The following CNTN4 variants were observed in gnomAD, a reference collection of about 807,000 sequenced individuals.
CNTN4 encodes contactin-4.
A neutral mutation model predicts 122.5 loss-of-function variants in CNTN4; 77 were observed. The observed-to-expected ratio is 0.63, with a 90% CI of 0.52 to 0.76. The LOEUF (loss-of-function observed/expected upper bound fraction) is 0.76. Among genes scored for constraint, CNTN4 ranks in the 30% least tolerant of loss-of-function variants. CNTN4 has a pLI of 0.00. For missense variants in CNTN4, 1,256 were observed against 1,259.1 expected (o/e 1.00, Z 0.04); for synonymous variants, 512 against 447.0 (o/e 1.15, Z -1.83).
At chr3:2,428,656 C>A (rs1161077553) in intron 3 of CNTN4, among the ~76,000 whole-genome samples, 1 of 152,186 alleles carries the variant, frequency 6.6e-6, no homozygotes, top group Non-Finnish European at 1.5e-5. Flanking sequence ...AGATAATATC[C>A]TGCAGAGTGG....
rs573029609 is a variant in CNTN4, at chr3:2,946,794, A to G, written c.1358+21015A>G. Among the ~76,000 whole-genome samples the G allele has an allele frequency of 2.0e-5, 3 of 149,124 alleles. No individual in the cohort carries two copies. The South Asian group carries it at 6.4e-4, about 32-fold the overall frequency. On this transcript the variant is annotated intron_variant, in intron 13 of 24. Transcript: ENST00000418658. ...ACATGGCTCACTGCAATAATCCCAG[A>G]CTTCTGGGTTCAAACAATCCTCCCT... is the stretch of plus-strand genomic sequence containing the variant.
At chr3:2,663,530 G>A (rs568855260) in intron 4 of CNTN4, among the ~76,000 whole-genome samples, 2 of 152,152 alleles carry the variant, frequency 1.3e-5, no homozygotes, top group African/African-American at 2.4e-5. Flanking sequence ...GAAGGAGGTT[G>A]AAACTTGAGG....
chr3:2,629,367 T>A (rs1576280813), intron 4 of CNTN4, among the ~76,000 whole-genome samples: 1 of 152,230 alleles, frequency 6.6e-6, no homozygotes, highest in East Asian at 1.9e-4. Context: ...CTAGCTGGAA[T>A]TGTGTCACGG....
intron 2 of CNTN4, among the ~76,000 whole-genome samples, chr3:2,303,747 G>T (rs939479286): frequency 6.6e-6 from 1 of 152,044 alleles, no homozygotes; most frequent in African/African-American, 2.4e-5. Context: ...CAGCACTACC[G>T]CAGAGGACAG....
chr3:2,258,344 A>T (rs1445444323), intron 2 of CNTN4, among the ~76,000 whole-genome samples: 1 of 152,142 alleles, frequency 6.6e-6, no homozygotes, highest in East Asian at 1.9e-4. Flanking sequence ...GAACCAACCC[A>T]AATGCCCATC....
Position 2,614,536 on chromosome 3 carries a change from A to C in CNTN4, c.55+42978A>C, listed in dbSNP as rs574192022. On this transcript the variant is annotated intron_variant, in intron 4 of 24. Coordinates refer to ENST00000418658, the MANE Select transcript of CNTN4 (RefSeq NM_175607.3). ...TGGGGAAGACCAAACTGGTGTAGTG[A>C]AATGTACAAAAATTGAACAGATTCA... Among the ~76,000 whole-genome samples, 90 of 152,278 alleles carry C rather than the reference A, an allele frequency of 5.9e-4. 1 individual carries two copies. Among genetic ancestry groups the C allele is most frequent in the Non-Finnish European group, 2.2e-4 (15 of 68,022 alleles).
At position 2,598,979 on chromosome 3, in the gene CNTN4, A is replaced by G. The variant is rs565298314; in HGVS notation, c.55+27421A>G. ...AATAATTTCTGATCTAAGGAAAATA[A>G]GCTAACATCTATACAACAGAATACA... On this transcript the variant is annotated intron_variant, in intron 4 of 24. Transcript: ENST00000418658. 2.0e-5 allele frequency among the ~76,000 whole-genome samples: 3 copies of G among 152,344 alleles called. No individual in the cohort carries two copies. The South Asian group carries it at 6.2e-4, about 32-fold the overall frequency.
chr3:2,772,678 G>GGAAGAAGAGATAGGAA (rs2091155688), intron 6 of CNTN4, among the ~76,000 whole-genome samples: 1 of 152,174 alleles, frequency 6.6e-6, no homozygotes, highest in East Asian at 1.9e-4. Context: ...AGAATGTAAA[G>GGAAGAAGAGATAGGAA]TCACCTTATC....
intron 23 of CNTN4, 134 bp downstream of exon 23, chr3:3,043,838 C>T: frequency 2.8e-6 from 2 of 709,820 alleles, no homozygotes; most frequent in Non-Finnish European, 5.2e-6. Flanking sequence ...TCGCTGCCTC[C>T]AACACGGTTT....
intron 16 of CNTN4, among the ~76,000 whole-genome samples, chr3:3,034,347 T>C (rs1699417879): frequency 6.6e-6 from 1 of 152,208 alleles, no homozygotes; most frequent in African/African-American, 2.4e-5. Context: ...CCCAATACTC[T>C]CTATTAACAT....
intron 4 of CNTN4, among the ~76,000 whole-genome samples, chr3:2,574,152 G>A (rs968381628): frequency 6.6e-6 from 1 of 152,164 alleles, no homozygotes; most frequent in African/African-American, 2.4e-5. Flanking sequence ...GGAGGCGGAG[G>A]TTGCGGTGAG....
intron 13 of CNTN4, among the ~76,000 whole-genome samples, chr3:2,972,898 T>C (rs1490370793): frequency 1.3e-5 from 2 of 152,076 alleles, no homozygotes; most frequent in Non-Finnish European, 2.9e-5. Flanking sequence ...ACATTTTTAA[T>C]AGTAAGAGCT....
chr3:2,469,004 A>T (rs1308886710), intron 3 of CNTN4, among the ~76,000 whole-genome samples: 1 of 152,162 alleles, frequency 6.6e-6, no homozygotes, highest in Non-Finnish European at 1.5e-5. Flanking sequence ...GATTGCTATA[A>T]TTGGCCTAGT....
At chr3:2,614,082 C>G (rs1576222272) in intron 4 of CNTN4, among the ~76,000 whole-genome samples, 2 of 152,244 alleles carry the variant, frequency 1.3e-5, no homozygotes, top group Middle Eastern at 6.8e-3. Context: ...ATGTGAGATA[C>G]TGAAGAGCAT....
intron 3 of CNTN4, among the ~76,000 whole-genome samples, chr3:2,513,784 G>T (rs181642531): frequency 1.3e-5 from 2 of 152,226 alleles, no homozygotes; most frequent in East Asian, 3.9e-4. Context: ...TAATCTGCAG[G>T]AAAGTGGATT....
chr3:2,261,773 T>C (rs1298418291), intron 2 of CNTN4, among the ~76,000 whole-genome samples: 1 of 152,210 alleles, frequency 6.6e-6, no homozygotes. Flanking sequence ...CAGAACTGTT[T>C]ACCTTGAGAA....
chr3:2,296,184 CT>C (rs2042304579), intron 2 of CNTN4, among the ~76,000 whole-genome samples: 1 of 152,040 alleles, frequency 6.6e-6, no homozygotes, highest in Non-Finnish European at 1.5e-5. Flanking sequence ...TCCATATGAA[CT>C]TTAAAGTAGT....
At position 2,481,883 on chromosome 3, in the gene CNTN4, A is replaced by G. The variant is rs144808145; in HGVS notation, c.-88-89533A>G. Reference sequence around the variant, plus strand: ...AGGGGCCTCCATGCCTCATGCCATGATTGTAAGTTTCATGAGATCTCCCCT... The same window carrying G: ...AGGGGCCTCCATGCCTCATGCCATGGTTGTAAGTTTCATGAGATCTCCCCT... On this transcript the variant is annotated intron_variant, in intron 3 of 24. Coordinates refer to ENST00000418658, the MANE Select transcript of CNTN4 (RefSeq NM_175607.3). Among the ~76,000 whole-genome samples, 95 of 152,252 alleles carry G rather than the reference A, an allele frequency of 6.2e-4. No homozygotes were observed. In the East Asian group the frequency reaches 0.018, roughly 29 times the overall value.
At chr3:2,241,626 C>T (rs898823436) in intron 2 of CNTN4, among the ~76,000 whole-genome samples, 1 of 152,184 alleles carries the variant, frequency 6.6e-6, no homozygotes, top group Non-Finnish European at 1.5e-5. Context: ...TCACTACCGT[C>T]AGCTTGTCTT....
Sources: gnomAD v4.1 joint callset for allele counts (sites outside exome capture counted in the v4.1 genomes callset) on GRCh38, gnomAD v4.1.1 for gene constraint, MANE v1.5 for transcripts, NCBI Gene and HGNC (gene_info 2026-07-23, HGNC 2026-07-21) for gene names.